CSMD3: variants seen among roughly 807,000 people sequenced by gnomAD.
The protein encoded by CSMD3 is CUB and Sushi multiple domains 3.
CSMD3 carries 177 observed loss-of-function variants against 435.2 expected under a neutral mutation model. That is an observed-to-expected ratio of 0.41 (90% confidence interval 0.36 to 0.46). The LOEUF is 0.46. Among genes scored for constraint, CSMD3 ranks in the 20% least tolerant of loss-of-function variants. CSMD3 has a pLI of 0.34. For synonymous variants in CSMD3, 1,656 were observed against 1,520.5 expected (o/e 1.09, Z -2.07); for missense variants, 4,265 against 4,504.6 (o/e 0.95, Z 1.52).
At chr8:113,210,022 G>A (rs2092814881) in intron 3 of CSMD3, among the ~76,000 whole-genome samples, 1 of 148,686 alleles carries the variant, frequency 6.7e-6, no homozygotes, top group Non-Finnish European at 1.5e-5. Context: ...GTGTGTGTGT[G>A]TGTGTGTGTG....
chr8:112,997,101 T>A (rs960821028), intron 6 of CSMD3, among the ~76,000 whole-genome samples: 1 of 151,646 alleles, frequency 6.6e-6, no homozygotes, highest in African/African-American at 2.4e-5. Flanking sequence ...GTTGTAATGA[T>A]GAAATGAAAT....
chr8:113,311,213 G>C (rs1320954265), intron 2 of CSMD3: 1 of 152,074 alleles, frequency 6.6e-6, no homozygotes, highest in African/African-American at 2.4e-5. Flanking sequence ...ATCAGCACTT[G>C]TTCTAAGATA....
intron 18 of CSMD3, among the ~76,000 whole-genome samples, chr8:112,654,277 CAGTA>C (rs1238481271): frequency 6.6e-6 from 1 of 152,076 alleles, no homozygotes; most frequent in Non-Finnish European, 1.5e-5. Context: ...GCTTGGGAAA[CAGTA>C]AGAAAGAGAT....
chr8:112,443,445 T>C (rs1395514251), intron 32 of CSMD3, among the ~76,000 whole-genome samples: 1 of 152,120 alleles, frequency 6.6e-6, no homozygotes, highest in Non-Finnish European at 1.5e-5. Context: ...ATTTGCAAAA[T>C]ATATTCATAC....
At chr8:112,694,659 G>A (rs187023890) in intron 13 of CSMD3, among the ~76,000 whole-genome samples, 1 of 151,944 alleles carries the variant, frequency 6.6e-6, no homozygotes. Flanking sequence ...ACTGCTTTTG[G>A]GTTTTTTTCC....
intron 22 of CSMD3, among the ~76,000 whole-genome samples, chr8:112,632,980 G>A (rs188149175): frequency 3.0e-4 from 46 of 151,860 alleles, no homozygotes; most frequent in Admixed American, 3.0e-3. Context: ...TGTTTTTAAA[G>A]TTTTTCCCAA....
chr8:112,298,381 A>G lies in CSMD3; in HGVS notation c.8441-2375T>C, dbSNP rs1820551202. On this transcript the variant is annotated intron_variant, in intron 53 of 70. Transcript: ENST00000297405. ...AAAGTGCAAGTAAAAAAGCTCCTCA[A>G]TGCTACTATGTAACACATAGGAATT... is the stretch of plus-strand genomic sequence containing the variant. 8.5e-5 allele frequency among the ~76,000 whole-genome samples: 13 copies of G among 152,260 alleles called. No homozygotes were observed. The South Asian group carries it at 2.7e-3, about 32-fold the overall frequency.
chr8:112,558,875 G>A lies in CSMD3; in HGVS notation c.4043-1921C>T, dbSNP rs1458053206. Among the ~76,000 whole-genome samples the A allele has an allele frequency of 2.0e-5, 3 of 151,936 alleles. No individual in the cohort carries two copies. The East Asian group carries it at 5.8e-4, about 30-fold the overall frequency. ...GGACTGCTTTAGTTGTATAACCTTA[G>A]AAGAAAGTGAATACTCTCATATTTA... On this transcript the variant is annotated intron_variant, in intron 24 of 70. Transcript: ENST00000297405.
chr8:112,268,427 G>A (rs528469183), intron 59 of CSMD3, among the ~76,000 whole-genome samples: 14 of 152,092 alleles, frequency 9.2e-5, no homozygotes, highest in Admixed American at 2.6e-4. Context: ...AATCTATGCC[G>A]CTTTAAAACT....
chr8:112,879,679 T>C (rs2081393745), intron 10 of CSMD3, among the ~76,000 whole-genome samples: 2 of 152,106 alleles, frequency 1.3e-5, no homozygotes, highest in Non-Finnish European at 2.9e-5. Flanking sequence ...GCTTTTATAC[T>C]CTTTCTCTTT....
In CSMD3 at chr8:112,976,300, C is replaced by T. The variant is rs567397949; in HGVS notation, c.1031-152G>A. The T allele has an allele frequency of 9.4e-4, 812 of 860,848 alleles. 13 individuals carry two copies. Among genetic ancestry groups the T allele is most frequent in the South Asian group, 8.5e-3 (506 of 59,568 alleles). The allele number at this position is 860,848 out of a possible 1,614,324, so 53.3% of individuals were successfully genotyped here. A position where few individuals can be genotyped will look rare whatever the true frequency, so the allele number is the denominator to read the frequency against. ...ACAAACACGCGAGTAAATTGTGAAG[C>T]GCACTAGATCTGTCGGTTTGTTTCT... On this transcript the variant is annotated intron_variant, in intron 6 of 70. Coordinates refer to ENST00000297405, the MANE Select transcript of CSMD3 (RefSeq NM_198123.2).
At chr8:113,178,026 C>A (rs1320557345) in intron 3 of CSMD3, among the ~76,000 whole-genome samples, 1 of 151,934 alleles carries the variant, frequency 6.6e-6, no homozygotes, top group Admixed American at 6.6e-5. Context: ...GACACTGACA[C>A]TATTTTATTC....
At chr8:112,874,729 C>T (rs2081232282) in intron 10 of CSMD3, among the ~76,000 whole-genome samples, 1 of 151,988 alleles carries the variant, frequency 6.6e-6, no homozygotes, top group African/African-American at 2.4e-5. Flanking sequence ...GCAACCCCTG[C>T]TTTTTTATTT....
intron 13 of CSMD3, among the ~76,000 whole-genome samples, chr8:112,747,287 T>G (rs2077455046): frequency 6.9e-6 from 1 of 145,480 alleles, no homozygotes; most frequent in Non-Finnish European, 1.5e-5. Flanking sequence ...TCAATATACT[T>G]CAAGAGTAGA....
chr8:112,987,103 C>T (rs1454808261), intron 6 of CSMD3, among the ~76,000 whole-genome samples: 1 of 151,952 alleles, frequency 6.6e-6, no homozygotes, highest in African/African-American at 2.4e-5. Flanking sequence ...TTATCAAGAT[C>T]ATATGCATAT....
intron 4 of CSMD3, among the ~76,000 whole-genome samples, chr8:113,110,102 C>G (rs1021290939): frequency 2.0e-5 from 3 of 152,144 alleles, no homozygotes; most frequent in African/African-American, 7.2e-5. Context: ...TCCAAATTGC[C>G]TTTGACATCA....
intron 3 of CSMD3, among the ~76,000 whole-genome samples, chr8:113,243,945 T>G (rs533678212): frequency 6.6e-6 from 1 of 152,320 alleles, no homozygotes; most frequent in South Asian, 2.1e-4. Flanking sequence ...ATATTTAAAC[T>G]GATTTATTTG....
intron 24 of CSMD3, among the ~76,000 whole-genome samples, chr8:112,557,155 T>C (rs971746518): frequency 6.6e-6 from 1 of 151,970 alleles, no homozygotes; most frequent in Non-Finnish European, 1.5e-5. Flanking sequence ...GTTGTGTTTT[T>C]GAAGTTTATC....
At chr8:112,522,570 A>T (rs1824410820) in intron 27 of CSMD3, among the ~76,000 whole-genome samples, 1 of 151,934 alleles carries the variant, frequency 6.6e-6, no homozygotes, top group South Asian at 2.1e-4. Context: ...AAATGAATGA[A>T]TGAATGAATA....
Sources: gnomAD v4.1 joint callset for allele counts (sites outside exome capture counted in the v4.1 genomes callset) on GRCh38, gnomAD v4.1.1 for gene constraint, MANE v1.5 for transcripts, NCBI Gene and HGNC (gene_info 2026-07-23, HGNC 2026-07-21) for gene names.